RELCH: variants seen among roughly 807,000 people sequenced by gnomAD.
The protein encoded by RELCH is RAB11 binding and LisH domain, coiled-coil and HEAT repeat containing.
In RELCH, 41 loss-of-function variants were observed where a neutral mutation model predicts 150.3. That is an observed-to-expected ratio of 0.27 (90% CI 0.21 to 0.35). The LOEUF (loss-of-function observed/expected upper bound fraction) is 0.35, where lower values mean the gene tolerates loss of function less well. Among genes scored for constraint, RELCH ranks in the 10% least tolerant of loss-of-function variants. RELCH has a pLI of 1.00. For missense variants in RELCH, 1,092 were observed against 1,467.8 expected, an observed-to-expected ratio of 0.74 and a Z score of 4.18; for synonymous variants, 478 against 531.8, an observed-to-expected ratio of 0.90 and a Z score of 1.39.
intron 22 of RELCH, among the ~76,000 whole-genome samples, chr18:62,276,903 C>T (rs73462469): frequency 1.3e-5 from 2 of 151,918 alleles, no homozygotes; most frequent in African/African-American, 2.4e-5. Flanking sequence ...TTTGATTATT[C>T]GATATGCTGA....
chr18:62,300,925 A>C (rs1257268834), intron 28 of RELCH: 2 of 152,204 alleles, frequency 1.3e-5, no homozygotes, highest in Non-Finnish European at 2.9e-5. Context: ...TAAAATTCAG[A>C]GTGCTTACCA....
intron 27 of RELCH, among the ~76,000 whole-genome samples, chr18:62,294,656 C>T (rs1306496293): frequency 2.0e-5 from 3 of 152,004 alleles, no homozygotes; most frequent in East Asian, 1.9e-4. Context: ...TTGGCATCTT[C>T]GAACACTGAT....
intron 26 of RELCH, among the ~76,000 whole-genome samples, chr18:62,287,988 G>A (rs79637446): frequency 0.017 from 2,600 of 152,200 alleles, 89 homozygotes; most frequent in East Asian, 0.13. Context: ...GTAGGTCCAT[G>A]TCAGTGACTG....
intron 8 of RELCH, among the ~76,000 whole-genome samples, chr18:62,229,807 C>T (rs1291909174): frequency 2.0e-5 from 3 of 151,810 alleles, no homozygotes; most frequent in African/African-American, 7.3e-5. Flanking sequence ...TGAAACAGTG[C>T]TTTAGGGGAA....
At chr18:62,262,328 G>C (rs530178824) in intron 16 of RELCH, among the ~76,000 whole-genome samples, 1 of 152,008 alleles carries the variant, frequency 6.6e-6, no homozygotes, top group African/African-American at 2.4e-5. Context: ...ACAAGCTATT[G>C]CTATGTATCA....
chr18:62,277,776 G>T, intron 22 of RELCH: 1 of 823,194 alleles, frequency 1.2e-6, no homozygotes, highest in Non-Finnish European at 1.5e-6. Context: ...ATTACTTTTT[G>T]AAGTAGCAAA....
intron 19 of RELCH, among the ~76,000 whole-genome samples, chr18:62,267,516 G>GTA (rs2043649802): frequency 8.4e-6 from 1 of 119,442 alleles, no homozygotes; most frequent in Non-Finnish European, 1.8e-5. Context: ...GTGTGTGTGT[G>GTA]TGTATACATA....
chr18:62,241,360 G>A (rs139119542), intron 10 of RELCH, among the ~76,000 whole-genome samples: 156 of 152,118 alleles, frequency 1.0e-3, no homozygotes, highest in African/African-American at 3.5e-3. Flanking sequence ...CTATGATCAC[G>A]CCTGTAAATA....
chr18:62,214,298 A>C (rs567624475), intron 2 of RELCH, among the ~76,000 whole-genome samples: 17 of 152,264 alleles, frequency 1.1e-4, no homozygotes, highest in African/African-American at 3.6e-4. Context: ...TTTTAAAAAA[A>C]TTTCAATTAA....
Position 62,228,566 on chromosome 18 carries a change from T to G in RELCH, c.1416T>G (p.Ser472Arg). ...REGMPPSSLS[S>R]KKTVHFDKPN... ...GAATGCCACCTTCTTCTCTATCAAG[T>G]AAAAAGACAGTTCATTTTGATAAAC... is the stretch of plus-strand genomic sequence containing the variant. Residue 472 changes from serine (S) to arginine (R), a missense_variant, in exon 8 of 29, where the codon AGT becomes AGG. Transcript: ENST00000644646. The G allele has an allele frequency of 6.2e-7, 1 of 1,611,728 alleles. No homozygotes were observed. The highest frequency in any genetic ancestry group is 8.5e-7 in the Non-Finnish European group (1 of 1,178,930).
chr18:62,216,005 A>G (rs1238384155), intron 2 of RELCH, among the ~76,000 whole-genome samples: 4 of 152,114 alleles, frequency 2.6e-5, no homozygotes, highest in African/African-American at 9.7e-5. Context: ...CACCAAACCA[A>G]TGAGTTTAAT....
rs2045930051 is a variant in RELCH, at chr18:62,308,255, C to T, written c.*2721C>T. The stretch of plus-strand genomic sequence containing the variant: ...CTATTTTGGACCATTATTTGAACTC[C>T]AAGGATGTAACTTTCTGTAGTTACT... On this transcript the variant is annotated 3_prime_UTR_variant, in exon 29 of 29. Transcript: ENST00000644646. 1 of 152,140 alleles carries T rather than the reference C, an allele frequency of 6.6e-6. No individual in the cohort carries two copies. The highest frequency in any genetic ancestry group is 1.5e-5 in the Non-Finnish European group (1 of 68,024). 9.4% of individuals were successfully genotyped at this position (152,140 alleles called of 1,614,324 possible).
intron 2 of RELCH, among the ~76,000 whole-genome samples, chr18:62,219,651 G>C (rs1316339454): frequency 6.6e-6 from 1 of 151,980 alleles, no homozygotes; most frequent in Non-Finnish European, 1.5e-5. Context: ...TTGCACAGAA[G>C]TATTTGCAGA....
At chr18:62,285,030 C>T (rs908996499) in intron 25 of RELCH, among the ~76,000 whole-genome samples, 1 of 152,056 alleles carries the variant, frequency 6.6e-6, no homozygotes, top group East Asian at 1.9e-4. Context: ...CCCATTTATT[C>T]AAACAAACAA....
chr18:62,280,569 CTTACT>C, intron 23 of RELCH, 72 bp from the exon 24 acceptor site: 1 of 1,315,366 alleles, frequency 7.6e-7, no homozygotes, highest in Non-Finnish European at 1.1e-6. Flanking sequence ...TTACCTTGTA[CTTACT>C]TTAATATACA....
At chr18:62,239,279 CG>C (rs2042024050) in intron 10 of RELCH, among the ~76,000 whole-genome samples, 1 of 150,694 alleles carries the variant, frequency 6.6e-6, no homozygotes, top group African/African-American at 2.4e-5. Context: ...TTCTAAGAAT[CG>C]GTATTTTTAG....
intron 1 of RELCH, among the ~76,000 whole-genome samples, chr18:62,188,234 G>C (rs533721681): frequency 6.6e-6 from 1 of 152,304 alleles, no homozygotes; most frequent in South Asian, 2.1e-4. Context: ...CCCTTGGCTG[G>C]TGTTGCACTT....
intron 25 of RELCH, chr18:62,285,579 A>T (rs1021826571): frequency 6.6e-5 from 10 of 152,204 alleles, no homozygotes; most frequent in African/African-American, 2.4e-4. Context: ...ACACAGCAAG[A>T]TAAGTCCCTA....
In RELCH at chr18:62,264,146, G is replaced by T; in HGVS notation, c.2507+1G>T. ...GTTTACTGTGGGTTGTCAATCAATT[G>T]TAAGTTACCACCTCCATATTAATTT... On this transcript the variant is annotated splice_donor_variant, in intron 17 of 28. Transcript: ENST00000644646. LOFTEE classifies it high-confidence loss of function. 6.3e-7 allele frequency: 1 copy of T among 1,594,194 alleles called. No individual in the cohort carries two copies. The highest frequency in any genetic ancestry group is 8.5e-7 in the Non-Finnish European group (1 of 1,171,324).
Sources: gnomAD v4.1 joint callset for allele counts (sites outside exome capture counted in the v4.1 genomes callset) on GRCh38, gnomAD v4.1.1 for gene constraint, MANE v1.5 for transcripts, NCBI Gene and HGNC (gene_info 2026-07-23, HGNC 2026-07-21) for gene names.